EDA: variants seen among roughly 807,000 people sequenced by gnomAD.
EDA encodes the protein ectodysplasin A.
In EDA, 2 loss-of-function variants were observed where a neutral mutation model predicts 23.6. The observed-to-expected ratio is 0.08, with a 90% CI of 0.03 to 0.27. EDA has a LOEUF of 0.27. Ranked by LOEUF, EDA falls within the 10% of genes least tolerant of loss-of-function variation. The pLI is 1.00. For synonymous variants in EDA, 131 were observed against 132.0 expected, an observed-to-expected ratio of 0.99 and a Z score of 0.05; for missense variants, 229 against 324.2, an observed-to-expected ratio of 0.71 and a Z score of 2.26.
rs775130932 is a variant in EDA at position 69,835,074 on chromosome X, G to C, written c.397-121953G>C. On this transcript the variant is annotated intron_variant, in intron 1 of 7. Coordinates refer to ENST00000374552, the MANE Select transcript of EDA (RefSeq NM_001399.5). ...TCTTCTGATTTGTAGGGTTTCTGCC[G>C]AGAGATCAGCTGTTAGTCTGATGGA... Among the ~76,000 whole-genome samples the C allele has an allele frequency of 2.1e-4, 24 of 112,681 alleles. 1 individual carries two copies. The highest frequency in any genetic ancestry group is 1.8e-3 in the Admixed American group (19 of 10,666).
intron 1 of EDA, among the ~76,000 whole-genome samples, chrX:69,624,882 T>G (rs1932324725): frequency 9.1e-6 from 1 of 110,374 alleles, no homozygotes; most frequent in African/African-American, 3.3e-5. Context: ...CAGTTTTCTT[T>G]TTATCCTGCA....
At chrX:69,676,761 G>T (rs1179423159) in intron 1 of EDA, among the ~76,000 whole-genome samples, 1 of 111,020 alleles carries the variant, frequency 9.0e-6, no homozygotes, top group Non-Finnish European at 1.9e-5. Flanking sequence ...GGACTCCCCT[G>T]TCTTGGATTC....
chrX:69,801,771 TC>T (rs2015692652), intron 1 of EDA, among the ~76,000 whole-genome samples: 1 of 111,816 alleles, frequency 8.9e-6, no homozygotes, highest in East Asian at 2.8e-4. Flanking sequence ...TTACTAGTAA[TC>T]TGGAAAATAC....
chrX:69,789,679 C>T (rs2015340465), intron 1 of EDA, among the ~76,000 whole-genome samples: 3 of 111,798 alleles, frequency 2.7e-5, no homozygotes, highest in African/African-American at 6.5e-5. Flanking sequence ...AACTTTCCTT[C>T]TGCTTCTAAA....
chrX:69,724,488 C>T (rs1352943141), intron 1 of EDA, among the ~76,000 whole-genome samples: 1 of 111,633 alleles, frequency 9.0e-6, no homozygotes, highest in African/African-American at 3.3e-5. Context: ...AATGCCCTCT[C>T]CTTTGTCTGC....
chrX:69,895,440 GCA>G (rs748667736), intron 1 of EDA, among the ~76,000 whole-genome samples: 3 of 88,585 alleles, frequency 3.4e-5, no homozygotes, highest in African/African-American at 1.2e-4. Flanking sequence ...ACACACTGAT[GCA>G]CATACCCTTA....
At chrX:69,801,288 C>T (rs1335144158) in intron 1 of EDA, among the ~76,000 whole-genome samples, 2 of 110,144 alleles carry the variant, frequency 1.8e-5, no homozygotes, top group African/African-American at 6.6e-5. Flanking sequence ...TTTAGTGATC[C>T]TCCTGCCTCA....
In EDA at chrX:69,755,324, C is replaced by G. The variant is rs776902919; in HGVS notation, c.396+138620C>G. On this transcript the variant is annotated intron_variant, in intron 1 of 7. Coordinates refer to ENST00000374552, the MANE Select transcript of EDA (RefSeq NM_001399.5). ...AGGTCTGTTGGAGTTTGCTGGAGGT[C>G]CACTCCAGACCCTGTTTTTGCCAGG... Among the ~76,000 whole-genome samples the G allele has an allele frequency of 7.2e-5, 8 of 111,595 alleles. No individual in the cohort carries two copies. The East Asian group carries it at 2.3e-3, about 32-fold the overall frequency.
At chrX:69,874,334 GA>G (rs1012603418) in intron 1 of EDA, among the ~76,000 whole-genome samples, 9 of 109,490 alleles carry the variant, frequency 8.2e-5, no homozygotes, top group African/African-American at 3.0e-4. Flanking sequence ...AAAAGGAAAA[GA>G]AAAAAAAGTA....
intron 1 of EDA, among the ~76,000 whole-genome samples, chrX:69,713,299 A>G (rs1476421571): frequency 8.9e-6 from 1 of 112,206 alleles, no homozygotes; most frequent in Non-Finnish European, 1.9e-5. Flanking sequence ...CGCTAATGGT[A>G]ACAGTTTACA....
chrX:69,731,350 T>C (rs1472974688), intron 1 of EDA, among the ~76,000 whole-genome samples: 1 of 112,448 alleles, frequency 8.9e-6, no homozygotes, highest in Non-Finnish European at 1.9e-5. Flanking sequence ...AAAATTATTT[T>C]ATCATGCTTA....
At chrX:69,682,694 C>T (rs1004344439) in intron 1 of EDA, among the ~76,000 whole-genome samples, 52 of 111,364 alleles carry the variant, frequency 4.7e-4, no homozygotes, top group Non-Finnish European at 8.5e-4. Context: ...ACACGGTTCA[C>T]GCACCCACTG....
rs746449248 is a variant in EDA, at chrX:69,649,049, C to T, written c.396+32345C>T. 2.8e-3 allele frequency among the ~76,000 whole-genome samples: 308 copies of T among 111,721 alleles called. 3 individuals carry two copies. The highest frequency in any genetic ancestry group is 4.2e-3 in the Non-Finnish European group (223 of 53,142). ...CTCCCGGGTGGGCCGTCATCCCTCT[C>T]TACTTTTCTTCATTCTCTGTAGGTC... On this transcript the variant is annotated intron_variant, in intron 1 of 7. Transcript: ENST00000374552.
intron 1 of EDA, among the ~76,000 whole-genome samples, chrX:69,681,450 C>G (rs1479230607): frequency 9.0e-6 from 1 of 111,534 alleles, no homozygotes; most frequent in African/African-American, 3.3e-5. Flanking sequence ...CCGTCACTTT[C>G]AGGTACACCA....
chrX:70,022,391 G>A (rs1181970503), intron 2 of EDA, among the ~76,000 whole-genome samples: 1 of 109,480 alleles, frequency 9.1e-6, no homozygotes, highest in African/African-American at 3.3e-5. Context: ...AGGCTGGAGT[G>A]TAGAGCGTGA....
chrX:69,738,410 C>G (rs1296986670), intron 1 of EDA, among the ~76,000 whole-genome samples: 1 of 109,219 alleles, frequency 9.2e-6, no homozygotes, highest in Non-Finnish European at 1.9e-5. Context: ...TTTGGTGAGT[C>G]TAGCTAATTT....
Position 69,823,167 on chromosome X carries a change from G to A in EDA, c.397-133860G>A, listed in dbSNP as rs1296556681. Among the ~76,000 whole-genome samples the A allele has an allele frequency of 1.5e-4, 11 of 75,499 alleles. No individual in the cohort carries two copies. In the Admixed American group the frequency reaches 1.6e-3, roughly 11 times the overall value. The allele number at this position is 75,499 out of a possible 115,157, so 65.6% of individuals were successfully genotyped here. On this transcript the variant is annotated intron_variant, in intron 1 of 7. Transcript: ENST00000374552. Reference sequence around the variant, plus strand: ...TGCTGCAATAAACATACGTGTGCATGTGTCTTTATAGCAGCATGATTTATA... The same window carrying A: ...TGCTGCAATAAACATACGTGTGCATATGTCTTTATAGCAGCATGATTTATA...
At chrX:69,641,740 A>G (rs1194566815) in intron 1 of EDA, among the ~76,000 whole-genome samples, 2 of 111,627 alleles carry the variant, frequency 1.8e-5, no homozygotes, top group Admixed American at 9.6e-5. Context: ...GTTTGCATGT[A>G]TATGTATAAT....
chrX:69,883,342 G>A (rs2017779175), intron 1 of EDA, among the ~76,000 whole-genome samples: 1 of 112,027 alleles, frequency 8.9e-6, no homozygotes, highest in Non-Finnish European at 1.9e-5. Flanking sequence ...TAGGGCCAGA[G>A]TTTCTCAGAT....
Sources: gnomAD v4.1 joint callset for allele counts (sites outside exome capture counted in the v4.1 genomes callset) on GRCh38, gnomAD v4.1.1 for gene constraint, MANE v1.5 for transcripts, NCBI Gene and HGNC (gene_info 2026-07-23, HGNC 2026-07-21) for gene names.